The following HRH1 variants were observed in gnomAD, a reference collection of about 807,000 sequenced individuals.
HRH1 encodes the protein histamine H1 receptor.
HRH1 carries 6 observed loss-of-function variants against 10.3 expected under a neutral mutation model. That is an observed-to-expected ratio of 0.58 (90% CI 0.32 to 1.15). The LOEUF is 1.15. Ranked by LOEUF, HRH1 falls within the 50% of genes most tolerant of loss-of-function variation. The probability of loss-of-function intolerance (pLI) is 0.05; values close to 1 mark genes in which losing one functional copy is unlikely to be tolerated. For synonymous variants in HRH1, 242 were observed against 236.7 expected (o/e 1.02, Z -0.21); for missense variants, 514 against 615.3 (o/e 0.84, Z 1.74).
intron 1 of HRH1, among the ~76,000 whole-genome samples, chr3:11,202,801 CTTGATG>C (rs1237955703): frequency 6.6e-6 from 1 of 152,218 alleles, no homozygotes; most frequent in Non-Finnish European, 1.5e-5. Flanking sequence ...AGGGCTCCCT[CTTGATG>C]TTGCACTTTC....
intron 1 of HRH1, among the ~76,000 whole-genome samples, chr3:11,168,072 C>T (rs924024914): frequency 2.6e-5 from 4 of 151,814 alleles, no homozygotes; most frequent in Non-Finnish European, 5.9e-5. Context: ...GGTTCTTCTA[C>T]GTAGGGTGGG....
chr3:11,178,203 C>T (rs1937282494), intron 1 of HRH1, among the ~76,000 whole-genome samples: 1 of 152,340 alleles, frequency 6.6e-6, no homozygotes, highest in Admixed American at 6.5e-5. Flanking sequence ...GTTCAAGTCC[C>T]TCGCCAGCTT....
At chr3:11,252,981 G>C (rs73121694) in intron 1 of HRH1, among the ~76,000 whole-genome samples, 2,177 of 152,128 alleles carry the variant, frequency 0.014, 57 homozygotes, top group African/African-American at 0.05. Context: ...TGATTTGGAG[G>C]CCTAAGCCTA....
In HRH1 at chr3:11,260,563, C is replaced by T. The variant is rs201170181; in HGVS notation, c.*62C>T. The T allele has an allele frequency of 1.4e-5, 20 of 1,464,184 alleles. No homozygotes were observed. The highest frequency in any genetic ancestry group is 4.3e-5 in the Admixed American group (2 of 46,084). The allele number at this position is 1,464,184 out of a possible 1,614,324, so 90.7% of individuals were successfully genotyped here. On this transcript the variant is annotated 3_prime_UTR_variant, in exon 2 of 2. Transcript: ENST00000431010. Reference sequence around the variant, plus strand: ...TGATGTCCAACAAGGAAATAGAGGACGAAGGCCTGTGTGTTGCCAGGCAGG... The same window carrying T: ...TGATGTCCAACAAGGAAATAGAGGATGAAGGCCTGTGTGTTGCCAGGCAGG...
At position 11,259,066 on chromosome 3, in the gene HRH1, T is replaced by C. The variant is rs201929250; in HGVS notation, c.29T>C (p.Leu10Ser). 4 of 1,608,482 alleles carry C rather than the reference T, an allele frequency of 2.5e-6. No homozygotes were observed. Among genetic ancestry groups the C allele is most frequent in the Non-Finnish European group, 2.5e-6 (3 of 1,177,122 alleles). ...AGCCTCCCCAATTCCTCCTGCCTCTTAGAAGACAAGATGTGTGAGGGCAAC... is the reference window on the plus strand; with the variant it reads ...AGCCTCCCCAATTCCTCCTGCCTCTCAGAAGACAAGATGTGTGAGGGCAAC... MSLPNSSCLLEDKMCEGNKT... is the reference protein window; with the variant it reads MSLPNSSCLSEDKMCEGNKT... The change falls in exon 2 of 2, where the codon TTA becomes TCA. Residue 10 changes from leucine to serine, a missense_variant. Leu to Ser is a moderately radical substitution (Grantham distance 145). Coordinates refer to ENST00000431010, the MANE Select transcript of HRH1 (RefSeq NM_001098212.2). This position sits in a 1 kb window ranked among gnomAD's most constrained non-coding sequence, Gnocchi z 4.6.
chr3:11,202,143 C>T (rs955033049), intron 1 of HRH1, among the ~76,000 whole-genome samples: 2 of 152,180 alleles, frequency 1.3e-5, no homozygotes, highest in African/African-American at 4.8e-5. Context: ...GTAGCTCACG[C>T]CTGTAATCCC....
chr3:11,231,305 G>GT (rs909498051), intron 1 of HRH1, among the ~76,000 whole-genome samples: 5 of 151,296 alleles, frequency 3.3e-5, no homozygotes, highest in African/African-American at 7.3e-5. Context: ...TTCATGTTCA[G>GT]TTTTTTTTTC....
rs748826345 is a variant in HRH1 at position 11,260,359 on chromosome 3, G to A, written c.1322G>A (p.Cys441Tyr). Residue 441 changes from cysteine to tyrosine, a missense_variant, in exon 2 of 2, where the codon TGC becomes TAC. Cys to Tyr is a radical substitution (Grantham distance 194, BLOSUM62 -2). Transcript: ENST00000431010. ...ATCTTCTTCATGGTCATTGCCTTCT[G>A]CAAGAACTGTTGCAATGAACATTTG... ...YFIFFMVIAF[C>Y]KNCCNEHLHM... 1.9e-6 allele frequency: 3 copies of A among 1,614,174 alleles called. No individual in the cohort carries two copies. The Admixed American group carries it at 5.0e-5, about 27-fold the overall frequency.
intron 1 of HRH1, among the ~76,000 whole-genome samples, chr3:11,199,290 C>T (rs1202488218): frequency 6.6e-6 from 1 of 152,024 alleles, no homozygotes; most frequent in Non-Finnish European, 1.5e-5. Flanking sequence ...TAGTGGTGAC[C>T]CCAGGATTTG....
chr3:11,151,001 C>A (rs535684417), upstream of HRH1, among the ~76,000 whole-genome samples: 3 of 152,346 alleles, frequency 2.0e-5, no homozygotes, highest in African/African-American at 7.2e-5. Flanking sequence ...GCTAATAGCA[C>A]CTCGATTGTC....
intron 1 of HRH1, among the ~76,000 whole-genome samples, chr3:11,178,453 A>G (rs1937288534): frequency 6.6e-6 from 1 of 152,134 alleles, no homozygotes; most frequent in Non-Finnish European, 1.5e-5. Context: ...GGATCTCTTT[A>G]CAGTTTCTGC....
At chr3:11,159,282 C>A (rs193060629) in intron 1 of HRH1, among the ~76,000 whole-genome samples, 6 of 152,226 alleles carry the variant, frequency 3.9e-5, no homozygotes, top group Admixed American at 2.6e-4. Context: ...GGACATCTTG[C>A]CTTTTACAGC....
At chr3:11,223,910 C>G (rs943402666) in intron 1 of HRH1, among the ~76,000 whole-genome samples, 5 of 152,138 alleles carry the variant, frequency 3.3e-5, no homozygotes, top group African/African-American at 1.2e-4. Flanking sequence ...AATCCTTGCC[C>G]TGAAGACTGG....
intron 1 of HRH1, among the ~76,000 whole-genome samples, chr3:11,214,379 T>C (rs1938423930): frequency 6.6e-6 from 1 of 152,204 alleles, no homozygotes; most frequent in South Asian, 2.1e-4. Context: ...ATTAGTTGTT[T>C]ATGATTCTGG....
At chr3:11,237,035 A>G (rs1939199304) in intron 1 of HRH1, among the ~76,000 whole-genome samples, 1 of 152,126 alleles carries the variant, frequency 6.6e-6, no homozygotes, top group Non-Finnish European at 1.5e-5. Flanking sequence ...TTGAAAGTGT[A>G]TTTCTCAGAG....
intron 1 of HRH1, among the ~76,000 whole-genome samples, chr3:11,185,477 C>T (rs1420872970): frequency 6.6e-6 from 1 of 152,204 alleles, no homozygotes; most frequent in Admixed American, 6.5e-5. Context: ...GTCTCACCTG[C>T]CTCTGTATAC....
At chr3:11,235,948 T>C (rs917509933) in intron 1 of HRH1, among the ~76,000 whole-genome samples, 3 of 152,170 alleles carry the variant, frequency 2.0e-5, no homozygotes. Context: ...AAATCTCTGA[T>C]GTATGTGGCC....
At chr3:11,153,125 G>T (rs1320560012), upstream of HRH1, among the ~76,000 whole-genome samples, 2 of 152,172 alleles carry the variant, frequency 1.3e-5, no homozygotes, top group African/African-American at 4.8e-5. Context: ...GGACCTTGGG[G>T]CCAGGCTGAG....
intron 1 of HRH1, among the ~76,000 whole-genome samples, chr3:11,156,343 C>T (rs904910053): frequency 6.6e-6 from 1 of 152,120 alleles, no homozygotes; most frequent in African/African-American, 2.4e-5. Flanking sequence ...GACCCTGCAC[C>T]CCAGAGTGGT....
Sources: gnomAD v4.1 joint callset for allele counts (sites outside exome capture counted in the v4.1 genomes callset) on GRCh38, gnomAD v4.1.1 for gene constraint, Gnocchi (gnomAD v3.1) non-coding constraint, MANE v1.5 for transcripts, NCBI Gene and HGNC (gene_info 2026-07-23, HGNC 2026-07-21) for gene names.